The following NTM variants were observed in gnomAD, a reference collection of about 807,000 sequenced individuals.
The protein encoded by NTM is neurotrimin.
Under a neutral mutation model 42.1 loss-of-function variants are expected in NTM, and 13 were observed. The observed-to-expected ratio is 0.31, with a 90% CI of 0.20 to 0.49. The LOEUF (loss-of-function observed/expected upper bound fraction) is 0.49. Among genes scored for constraint, NTM ranks in the 20% least tolerant of loss-of-function variants. NTM has a pLI of 0.99. For missense variants in NTM, 373 were observed against 452.8 expected (o/e 0.82, Z 1.60); for synonymous variants, 187 against 179.2 (o/e 1.04, Z -0.35).
At chr11:132,261,001 A>C (rs2092814583) in intron 4 of NTM, among the ~76,000 whole-genome samples, 1 of 152,230 alleles carries the variant, frequency 6.6e-6, no homozygotes, top group Non-Finnish European at 1.5e-5. Context: ...GAGCATGCTT[A>C]GGAGTCGAAG....
chr11:131,861,289 G>A (rs1419337271), intron 1 of NTM, among the ~76,000 whole-genome samples: 3 of 152,184 alleles, frequency 2.0e-5, no homozygotes, highest in Non-Finnish European at 4.4e-5. Context: ...TTAGACCAAT[G>A]TGACCTGTGG....
chr11:131,868,320 CTT>C (rs909706447), intron 1 of NTM, among the ~76,000 whole-genome samples: 2 of 152,160 alleles, frequency 1.3e-5, no homozygotes, highest in Non-Finnish European at 2.9e-5. Flanking sequence ...CCTCCTACCT[CTT>C]TTTCCTTCCT....
At chr11:132,319,281 G>A (rs545367593) in intron 7 of NTM, among the ~76,000 whole-genome samples, 1 of 152,284 alleles carries the variant, frequency 6.6e-6, no homozygotes, top group South Asian at 2.1e-4. Context: ...GCAGGACAGT[G>A]GGTGCAGCTC....
chr11:131,371,124 G>A (rs1388549415), intron 1 of NTM: 2 of 984,456 alleles, frequency 2.0e-6, no homozygotes, highest in East Asian at 1.1e-4. Flanking sequence ...TGTGTTTGGT[G>A]CTCCTGTTAG....
intron 1 of NTM, among the ~76,000 whole-genome samples, chr11:131,645,562 C>T (rs1159657684): frequency 6.6e-6 from 1 of 152,240 alleles, no homozygotes; most frequent in African/African-American, 2.4e-5. Context: ...TACTCTTTTA[C>T]AGACACTAGT....
At position 131,932,514 on chromosome 11, in the gene NTM, A is replaced by G. The variant is rs1337911928; in HGVS notation, c.167+20866A>G. Among the ~76,000 whole-genome samples, 22 of 152,226 alleles carry G rather than the reference A, an allele frequency of 1.4e-4. 1 individual carries two copies. On this transcript the variant is annotated intron_variant, in intron 2 of 8. Transcript: ENST00000683400. ...TACGTTTTAGTGTCTAAAACGGTGC[A>G]GAGCCAGAATGTTGATCTTCATTTA... is the stretch of plus-strand genomic sequence containing the variant.
intron 4 of NTM, among the ~76,000 whole-genome samples, chr11:132,299,091 C>G (rs566152991): frequency 1.3e-5 from 2 of 152,022 alleles, no homozygotes; most frequent in African/African-American, 4.8e-5. Context: ...GTCAGGAGGT[C>G]GAGACCATCC....
At chr11:132,208,710 AG>A (rs2082365069) in intron 3 of NTM, among the ~76,000 whole-genome samples, 1 of 152,194 alleles carries the variant, frequency 6.6e-6, no homozygotes, top group Admixed American at 6.5e-5. Context: ...GCCCTTCCAA[AG>A]CAAGAGTAAT....
In NTM at chr11:132,206,420, C is replaced by G. The variant is rs146123702; in HGVS notation, c.401-5602C>G. Reference sequence around the variant, plus strand: ...ACACTGCATATATGTGTTTGCCAAGCACATACAATATTAAAACTCACTCAT... The same window carrying G: ...ACACTGCATATATGTGTTTGCCAAGGACATACAATATTAAAACTCACTCAT... On this transcript the variant is annotated intron_variant, in intron 3 of 8. Transcript: ENST00000683400. Among the ~76,000 whole-genome samples the G allele has an allele frequency of 5.9e-3, 899 of 152,306 alleles. 29 individuals carry two copies. Among genetic ancestry groups the G allele is most frequent in the Admixed American group, 0.046 (709 of 15,298 alleles).
chr11:132,259,655 G>C (rs189147987), intron 4 of NTM, among the ~76,000 whole-genome samples: 1 of 152,146 alleles, frequency 6.6e-6, no homozygotes, highest in African/African-American at 2.4e-5. Context: ...ACTCCAGCCT[G>C]GGCGACAGAG....
At chr11:131,464,363 G>GC (rs1555118732) in intron 1 of NTM, among the ~76,000 whole-genome samples, 25 of 152,136 alleles carry the variant, frequency 1.6e-4, no homozygotes, top group African/African-American at 6.0e-4. Flanking sequence ...GAAAGCTGGG[G>GC]GGGGGGCAGC....
chr11:131,740,300 A>G (rs942074059), intron 1 of NTM, among the ~76,000 whole-genome samples: 1 of 152,164 alleles, frequency 6.6e-6, no homozygotes, highest in Non-Finnish European at 1.5e-5. Context: ...TGCCTGTCTC[A>G]AGGGGTGTTG....
chr11:131,469,874 T>A (rs1952264905), intron 1 of NTM, among the ~76,000 whole-genome samples: 1 of 152,246 alleles, frequency 6.6e-6, no homozygotes, highest in Non-Finnish European at 1.5e-5. Context: ...TTTGTCTGTG[T>A]GTCCATCTTT....
chr11:131,800,857 A>G (rs2092047541), intron 1 of NTM, among the ~76,000 whole-genome samples: 1 of 152,196 alleles, frequency 6.6e-6, no homozygotes, highest in South Asian at 2.1e-4. Context: ...TTATCAAGGA[A>G]ATGGAGTTGA....
At chr11:132,203,683 A>C (rs2081501148) in intron 3 of NTM, among the ~76,000 whole-genome samples, 1 of 152,136 alleles carries the variant, frequency 6.6e-6, no homozygotes, top group Admixed American at 6.5e-5. Context: ...CGAGGTCAGG[A>C]GATCGAGACC....
intron 2 of NTM, among the ~76,000 whole-genome samples, chr11:131,945,375 A>G (rs922277503): frequency 2.0e-5 from 3 of 152,154 alleles, no homozygotes; most frequent in Non-Finnish European, 2.9e-5. Context: ...CCTTGCGTCA[A>G]CCTGGAACCC....
intron 2 of NTM, among the ~76,000 whole-genome samples, chr11:131,937,450 G>A (rs1001571860): frequency 6.6e-6 from 1 of 152,216 alleles, no homozygotes; most frequent in Non-Finnish European, 1.5e-5. Context: ...GTATTGGTGG[G>A]TGGGGGTACA....
At chr11:132,235,776 CTG>C (rs2088704917) in intron 4 of NTM, among the ~76,000 whole-genome samples, 1 of 152,136 alleles carries the variant, frequency 6.6e-6, no homozygotes, top group South Asian at 2.1e-4. Flanking sequence ...AGTGAACCCC[CTG>C]GGAAAATTTT....
At chr11:131,895,801 A>G (rs1246015708) in intron 1 of NTM, among the ~76,000 whole-genome samples, 1 of 152,194 alleles carries the variant, frequency 6.6e-6, no homozygotes, top group Non-Finnish European at 1.5e-5. Context: ...AGGAAGTAGA[A>G]TCTGAACTGG....
Sources: allele counts gnomAD v4.1 joint callset (sites outside exome capture counted in the v4.1 genomes callset), GRCh38; gene constraint gnomAD v4.1.1; transcripts MANE v1.5; gene names NCBI Gene and HGNC (gene_info 2026-07-23, HGNC 2026-07-21).